The following MYO16 variants were observed in gnomAD, a reference collection of about 807,000 sequenced individuals.
The protein encoded by MYO16 is unconventional myosin-XVI.
Under a neutral mutation model 205.3 loss-of-function variants are expected in MYO16, and 94 were observed. The observed-to-expected ratio is 0.46, with a 90% CI of 0.39 to 0.54. MYO16 has a LOEUF of 0.54. Ranked by LOEUF, MYO16 falls within the 20% of genes least tolerant of loss-of-function variation. The pLI, the probability that MYO16 is intolerant of heterozygous loss-of-function variation, is 0.00. For synonymous variants in MYO16, 988 were observed against 954.0 expected (o/e 1.04, Z -0.66); for missense variants, 2,315 against 2,387.5 (o/e 0.97, Z 0.63).
At chr13:108,517,065 G>T in the MYO16 span, among the ~76,000 whole-genome samples, 1 of 152,110 alleles carries the variant, frequency 6.6e-6, no homozygotes, top group African/African-American at 2.4e-5. Flanking sequence ...GAGCAGCTGG[G>T]ACTGTAGGCA....
intron 20 of MYO16, among the ~76,000 whole-genome samples, chr13:108,985,863 G>C (rs1884609871): frequency 6.6e-6 from 1 of 152,170 alleles, no homozygotes; most frequent in African/African-American, 2.4e-5. Context: ...CATTTTGTTT[G>C]TTTGTTTTCT....
chr13:108,825,389 C>T (rs1330510980), intron 9 of MYO16, among the ~76,000 whole-genome samples: 1 of 151,768 alleles, frequency 6.6e-6, no homozygotes, highest in African/African-American at 2.4e-5. Context: ...AGGAAATTTT[C>T]TCAACCTGAT....
upstream of MYO16, among the ~76,000 whole-genome samples, chr13:108,595,507 A>G (rs1415188814): frequency 6.6e-6 from 1 of 152,214 alleles, no homozygotes; most frequent in Non-Finnish European, 1.5e-5. Context: ...AGCGCAGTGA[A>G]GGTAGTTCCG....
chr13:108,854,414 C>T (rs1878062215), intron 10 of MYO16, among the ~76,000 whole-genome samples: 1 of 151,896 alleles, frequency 6.6e-6, no homozygotes, highest in Non-Finnish European at 1.5e-5. Flanking sequence ...AAAAATAGTC[C>T]TAAATTTAGT....
At chr13:108,569,732 G>A in the MYO16 span, among the ~76,000 whole-genome samples, 8 of 152,054 alleles carry the variant, frequency 5.3e-5, no homozygotes, top group South Asian at 4.1e-4. Context: ...TGATTTTAAC[G>A]ATAATATTTT....
intron 16 of MYO16, among the ~76,000 whole-genome samples, chr13:108,942,089 A>G (rs1882754975): frequency 6.6e-6 from 1 of 152,238 alleles, no homozygotes; most frequent in Non-Finnish European, 1.5e-5. Flanking sequence ...CTTCCAGAGA[A>G]TACCAGAGAG....
At chr13:108,894,220 C>G (rs979321025) in intron 14 of MYO16, among the ~76,000 whole-genome samples, 2 of 152,122 alleles carry the variant, frequency 1.3e-5, no homozygotes, top group African/African-American at 4.8e-5. Flanking sequence ...CAATCACCCC[C>G]CACCGGGTCT....
intron 34 of MYO16, among the ~76,000 whole-genome samples, chr13:109,196,107 C>T (rs937614033): frequency 6.6e-6 from 1 of 152,112 alleles, no homozygotes; most frequent in Non-Finnish European, 1.5e-5. Context: ...GCATCACCTC[C>T]GTTTTTACAT....
intron 2 of MYO16, among the ~76,000 whole-genome samples, chr13:108,696,977 T>A (rs1197760143): frequency 6.9e-6 from 1 of 145,158 alleles, no homozygotes; most frequent in Non-Finnish European, 1.5e-5. Context: ...ATTCAAGCAT[T>A]AAAAAAAAAA....
chr13:108,617,863 T>C (rs78959834), intron 1 of MYO16, among the ~76,000 whole-genome samples: 2,086 of 152,192 alleles, frequency 0.014, 59 homozygotes, highest in East Asian at 0.11. Context: ...AGATAATCGA[T>C]TGTCTTTCCC....
intron 23 of MYO16, among the ~76,000 whole-genome samples, chr13:109,045,420 G>C (rs1453220992): frequency 2.0e-5 from 3 of 152,164 alleles, no homozygotes; most frequent in Non-Finnish European, 4.4e-5. Flanking sequence ...AACAACGTAT[G>C]GTGTGTCACA....
chr13:108,587,346 T>C, the MYO16 span, among the ~76,000 whole-genome samples: 1 of 152,164 alleles, frequency 6.6e-6, no homozygotes, highest in African/African-American at 2.4e-5. Flanking sequence ...ATAAGACAAC[T>C]GTAATTTTTT....
At chr13:108,787,583 T>C (rs1594293890) in intron 5 of MYO16, among the ~76,000 whole-genome samples, 1 of 152,212 alleles carries the variant, frequency 6.6e-6, no homozygotes, top group African/African-American at 2.4e-5. Context: ...TTATATCCTA[T>C]GTAAAGAATA....
chr13:109,022,366 G>GTA lies in MYO16; in HGVS notation c.2796+2457_2796+2458dup, dbSNP rs1471364514. Among the ~76,000 whole-genome samples the GTA allele has an allele frequency of 5.7e-4, 53 of 92,576 alleles. 1 individual carries two copies. The highest frequency in any genetic ancestry group is 1.5e-3 in the Admixed American group (10 of 6,646). 60.7% of individuals were successfully genotyped at this position (92,576 alleles called of 152,430 possible). A position where few individuals can be genotyped will look rare whatever the true frequency, so the allele number is the denominator to read the frequency against. ...TATATACAAATATATATGTATATATGTATGTATTATATATACAAATATACA... is the reference window on the plus strand; with the variant it reads ...TATATACAAATATATATGTATATATGTATATGTATTATATATACAAATATACA... On this transcript the variant is annotated intron_variant, in intron 23 of 34. Transcript: ENST00000457511.
rs925441519 is a variant in MYO16 at position 108,747,428 on chromosome 13, C to G, written c.507+19845C>G. Among the ~76,000 whole-genome samples the G allele has an allele frequency of 5.9e-5, 9 of 152,158 alleles. No homozygotes were observed. In the South Asian group the frequency reaches 1.0e-3, roughly 18 times the overall value. On this transcript the variant is annotated intron_variant, in intron 4 of 34. Coordinates refer to ENST00000457511, the MANE Select transcript of MYO16 (RefSeq NM_001198950.3). ...GTGGGAATGCTGTCTTATAAGATAC[C>G]TGTACTACATGTGAATTTATATAGT...
chr13:109,055,889 T>C lies in MYO16; in HGVS notation c.3335+294T>C, dbSNP rs1482018124. ...AGTTTTGTAAAATGATTGCATGTGATATTTACTATTTATTATTTAAAAGGA... is the reference window on the plus strand; with the variant it reads ...AGTTTTGTAAAATGATTGCATGTGACATTTACTATTTATTATTTAAAAGGA... On this transcript the variant is annotated intron_variant, in intron 27 of 34. Coordinates refer to ENST00000457511, the MANE Select transcript of MYO16 (RefSeq NM_001198950.3). This position sits in a 1 kb window ranked among gnomAD's most constrained non-coding sequence, Gnocchi z 5.0. The C allele has an allele frequency of 4.2e-6, 1 of 239,604 alleles. No homozygotes were observed. The highest frequency in any genetic ancestry group is 9.6e-5 in the South Asian group (1 of 10,364). 14.8% of individuals were successfully genotyped at this position (239,604 alleles called of 1,614,324 possible).
At chr13:108,982,486 A>T (rs1375842347) in intron 20 of MYO16, among the ~76,000 whole-genome samples, 1 of 152,090 alleles carries the variant, frequency 6.6e-6, no homozygotes, top group Non-Finnish European at 1.5e-5. Context: ...ATAATAAGTT[A>T]AAAAAAAGTA....
intron 4 of MYO16, among the ~76,000 whole-genome samples, chr13:108,783,507 G>A (rs1886368674): frequency 6.6e-6 from 1 of 152,182 alleles, no homozygotes; most frequent in South Asian, 2.1e-4. Flanking sequence ...GCTGAATTGA[G>A]TTAAGACTTT....
At chr13:109,185,940 T>C (rs919639047) in intron 34 of MYO16, among the ~76,000 whole-genome samples, 7 of 152,242 alleles carry the variant, frequency 4.6e-5, no homozygotes, top group Non-Finnish European at 8.8e-5. Flanking sequence ...GTTTTTGCTG[T>C]GGTGGGACTT....
Sources: gnomAD v4.1 joint callset for allele counts (sites outside exome capture counted in the v4.1 genomes callset) on GRCh38, gnomAD v4.1.1 for gene constraint, Gnocchi (gnomAD v3.1) non-coding constraint, MANE v1.5 for transcripts, NCBI Gene and HGNC (gene_info 2026-07-23, HGNC 2026-07-21) for gene names.